Variants in HIBADH observed in about 807,000 individuals in gnomAD.
The protein encoded by HIBADH is 3-hydroxyisobutyrate dehydrogenase, mitochondrial.
In HIBADH, 25 loss-of-function variants were observed where a neutral mutation model predicts 36.1. The ratio of observed to expected loss-of-function variants is 0.69; its 90% CI spans 0.50 to 0.97. HIBADH has a LOEUF of 0.97. Among genes scored for constraint, HIBADH ranks in the 50% least tolerant of loss-of-function variants. HIBADH has a pLI of 0.00. For missense variants in HIBADH, 421 were observed against 418.0 expected (o/e 1.01, Z -0.06); for synonymous variants, 160 against 149.5 (o/e 1.07, Z -0.51).
At chr7:27,631,349 C>A (rs1785742722) in intron 3 of HIBADH, among the ~76,000 whole-genome samples, 1 of 152,158 alleles carries the variant, frequency 6.6e-6, no homozygotes, top group Admixed American at 6.5e-5. Flanking sequence ...TGCCTAATAT[C>A]CAAGTGTCTT....
rs770788666 is a variant in HIBADH, at chr7:27,526,224, T to C, written c.1001A>G (p.Glu334Gly). ...GGCCAAAGGGCACACTCAGAAGGTCTCCTCCTCTCGTAGGAACTGGAACAC... is the reference window on the plus strand; with the variant it reads ...GGCCAAAGGGCACACTCAGAAGGTCCCCTCCTCTCGTAGGAACTGGAACAC... ...SSVFQFLREE[E>G]TF Residue 334 changes from glutamate (E) to glycine (G), a missense_variant, in exon 8 of 8, where the codon GAG (glutamate) becomes GGG (glycine). Coordinates refer to ENST00000265395, the MANE Select transcript of HIBADH (RefSeq NM_152740.4). 1.2e-6 allele frequency: 2 copies of C among 1,610,196 alleles called. No homozygotes were observed. Among genetic ancestry groups the C allele is most frequent in the Non-Finnish European group, 1.7e-6 (2 of 1,178,326 alleles).
At chr7:27,575,247 G>A (rs955792017) in intron 4 of HIBADH, among the ~76,000 whole-genome samples, 1 of 152,162 alleles carries the variant, frequency 6.6e-6, no homozygotes, top group Admixed American at 6.6e-5. Context: ...TACAATGTAG[G>A]TGAGACCCTA....
At chr7:27,645,368 A>ATGTTTTTTTTTTTTTTTTTTTTTTTT (rs1554300959) in intron 2 of HIBADH, among the ~76,000 whole-genome samples, 3 of 59,652 alleles carry the variant, frequency 5.0e-5, no homozygotes, top group Admixed American at 2.3e-4. Context: ...CATGGTTTTG[A>ATGTTTTTTTTTTTTTTTTTTTTTTTT]TTTTTTTTTT....
intron 7 of HIBADH, among the ~76,000 whole-genome samples, chr7:27,530,161 C>A (rs1783970338): frequency 6.6e-6 from 1 of 152,006 alleles, no homozygotes; most frequent in Non-Finnish European, 1.5e-5. Context: ...CCCACAATAT[C>A]TCCAAGGTAT....
At chr7:27,573,482 T>G (rs913830039) in intron 4 of HIBADH, among the ~76,000 whole-genome samples, 18 of 152,224 alleles carry the variant, frequency 1.2e-4, no homozygotes, top group African/African-American at 4.3e-4. Flanking sequence ...AGTATGAGCT[T>G]CTTGAGAGCA....
chr7:27,590,445 C>T (rs1240747328), intron 4 of HIBADH, among the ~76,000 whole-genome samples: 1 of 152,076 alleles, frequency 6.6e-6, no homozygotes, highest in Non-Finnish European at 1.5e-5. Flanking sequence ...TTTTACAAAG[C>T]AAAAAGAGTA....
At position 27,558,426 on chromosome 7, in the gene HIBADH, C is replaced by T. The variant is rs143309756; in HGVS notation, c.485-15326G>A. Among the ~76,000 whole-genome samples the T allele has an allele frequency of 3.9e-3, 594 of 152,240 alleles. 2 individuals carry two copies. Among genetic ancestry groups the T allele is most frequent in the Middle Eastern group, 0.02 (6 of 294 alleles). On this transcript the variant is annotated intron_variant, in intron 4 of 7. Transcript: ENST00000265395. ...CACTGCAACCTCCAACTCCCAGGCT[C>T]GAGCAATCCTCCCACCTCAGCCTCC...
chr7:27,632,535 A>G (rs944878972), intron 2 of HIBADH, 90 bp from the exon 3 acceptor site: 34 of 759,184 alleles, frequency 4.5e-5, no homozygotes, highest in East Asian at 4.4e-4. Context: ...ATGCATGCCT[A>G]TAACAGTGAC....
At chr7:27,548,753 A>G (rs186394533) in intron 4 of HIBADH, among the ~76,000 whole-genome samples, 1 of 152,208 alleles carries the variant, frequency 6.6e-6, no homozygotes, top group African/African-American at 2.4e-5. Flanking sequence ...AAAGAGATGT[A>G]TAACCAGAAG....
intron 2 of HIBADH, among the ~76,000 whole-genome samples, chr7:27,635,174 C>G (rs371376046): frequency 1.3e-5 from 2 of 151,856 alleles, no homozygotes; most frequent in East Asian, 1.9e-4. Flanking sequence ...GACAGATAAA[C>G]AGACATTCAA....
chr7:27,594,474 A>G (rs754930710), intron 4 of HIBADH, among the ~76,000 whole-genome samples: 2 of 152,230 alleles, frequency 1.3e-5, no homozygotes, highest in Non-Finnish European at 2.9e-5. Context: ...AGTAAGAGAC[A>G]CACAAAAAGA....
At chr7:27,531,124 G>C in intron 7 of HIBADH, 68 bp downstream of exon 7, 1 of 1,422,708 alleles carries the variant, frequency 7.0e-7, no homozygotes, top group Middle Eastern at 1.9e-4. Context: ...TTAAGAGAAA[G>C]AGAAGGAAGG....
intron 4 of HIBADH, among the ~76,000 whole-genome samples, chr7:27,554,870 G>T (rs963603174): frequency 1.3e-5 from 2 of 152,246 alleles, no homozygotes; most frequent in East Asian, 3.9e-4. Context: ...CATATTTTGG[G>T]GTTGGGGTAC....
chr7:27,605,586 C>CAAAAAAAAAAAAAA (rs70994666), intron 4 of HIBADH, among the ~76,000 whole-genome samples: 1 of 33,590 alleles, frequency 3.0e-5, no homozygotes, highest in African/African-American at 1.2e-4. Context: ...TTTAGACAAG[C>CAAAAAAAAAAAAAA]AAAAAAAAAA....
chr7:27,624,445 T>C (rs1350882569), intron 4 of HIBADH, among the ~76,000 whole-genome samples: 1 of 152,236 alleles, frequency 6.6e-6, no homozygotes, highest in African/African-American at 2.4e-5. Context: ...CATTAAATAC[T>C]TCTATATAAT....
At chr7:27,583,762 TGAG>T (rs1784823418) in intron 4 of HIBADH, among the ~76,000 whole-genome samples, 1 of 152,038 alleles carries the variant, frequency 6.6e-6, no homozygotes, top group Non-Finnish European at 1.5e-5. Context: ...TAAATATTTT[TGAG>T]GACACAAAAG....
Position 27,626,104 on chromosome 7 carries a change from G to GA in HIBADH, c.484+3266dup, listed in dbSNP as rs70994672. ...GGTGACACAGTGAGACTCCGTCTCA[G>GA]AAAAAAAAAAAAAAAAAAAAAAGAT... is the stretch of plus-strand genomic sequence containing the variant. On this transcript the variant is annotated intron_variant, in intron 4 of 7. Transcript: ENST00000265395. Among the ~76,000 whole-genome samples the GA allele has an allele frequency of 2.4e-3, 174 of 72,500 alleles. 3 individuals are homozygous for GA. Among genetic ancestry groups the GA allele is most frequent in the Non-Finnish European group, 3.3e-3 (135 of 40,782 alleles). 47.6% of individuals were successfully genotyped at this position (72,500 alleles called of 152,430 possible). A position where few individuals can be genotyped will look rare whatever the true frequency, so the allele number is the denominator to read the frequency against.
chr7:27,587,867 TGAG>T (rs1313060156), intron 4 of HIBADH, among the ~76,000 whole-genome samples: 1 of 152,114 alleles, frequency 6.6e-6, no homozygotes, highest in Non-Finnish European at 1.5e-5. Flanking sequence ...TTTAATCAAC[TGAG>T]GAGGTAAGAG....
chr7:27,580,052 A>G (rs1455786372), intron 4 of HIBADH, among the ~76,000 whole-genome samples: 1 of 152,212 alleles, frequency 6.6e-6, no homozygotes, highest in Non-Finnish European at 1.5e-5. Flanking sequence ...AAGGGAAAAG[A>G]GATATAGAAC....
Sources: allele counts gnomAD v4.1 joint callset (sites outside exome capture counted in the v4.1 genomes callset), GRCh38; gene constraint gnomAD v4.1.1; transcripts MANE v1.5; gene names NCBI Gene and HGNC (gene_info 2026-07-23, HGNC 2026-07-21).